The following MYH9 variants were observed in gnomAD, a reference collection of about 807,000 sequenced individuals.
The protein encoded by MYH9 is myosin-9.
A neutral mutation model predicts 241.9 loss-of-function variants in MYH9; 29 were observed. The observed-to-expected ratio is 0.12, with a 90% CI of 0.09 to 0.16. The LOEUF is 0.16. Among genes scored for constraint, MYH9 ranks in the 10% least tolerant of loss-of-function variants. The pLI is 1.00. For missense variants in MYH9, 1,803 were observed against 2,595.5 expected, an observed-to-expected ratio of 0.69 and a Z score of 6.63; for synonymous variants, 1,047 against 1,062.6, an observed-to-expected ratio of 0.99 and a Z score of 0.29.
chr22:36,367,083 T>C (rs759839140), intron 1 of MYH9, among the ~76,000 whole-genome samples: 10 of 152,270 alleles, frequency 6.6e-5, no homozygotes, highest in South Asian at 4.1e-4. Context: ...TCCATGGACT[T>C]TTAGGAGTCC....
chr22:36,281,582 G>C lies in MYH9; in HGVS notation c.*1086C>G, dbSNP rs951504991. The stretch of plus-strand genomic sequence containing the variant: ...AACAGTTAGGAATACAAGTAAATTC[G>C]GCAACCAGTGTAGACCAGTGAGGAC... On this transcript the variant is annotated 3_prime_UTR_variant, in exon 41 of 41. Coordinates refer to ENST00000216181, the MANE Select transcript of MYH9 (RefSeq NM_002473.6). 1 of 229,446 alleles carries C rather than the reference G, an allele frequency of 4.4e-6. No individual in the cohort carries two copies. Among genetic ancestry groups the C allele is most frequent in the South Asian group, 1.8e-4 (1 of 5,506 alleles). The allele number at this position is 229,446 out of a possible 1,614,324, so 14.2% of individuals were successfully genotyped here. A position where few individuals can be genotyped will look rare whatever the true frequency, so the allele number is the denominator to read the frequency against.
chr22:36,302,694 T>C lies in MYH9; in HGVS notation c.2391-18A>G, dbSNP rs1171417002. On this transcript the variant is annotated intron_variant, in intron 19 of 40. Coordinates refer to ENST00000216181, the MANE Select transcript of MYH9 (RefSeq NM_002473.6). ...CAAATGCTCTGTGTGGTGAGGAACA[T>C]GGTCAGCGCGGAGCAGTGGACAGCA... 2 of 1,608,852 alleles carry C rather than the reference T, an allele frequency of 1.2e-6. No homozygotes were observed. The highest frequency in any genetic ancestry group is 1.3e-5 in the African/African-American group (1 of 74,854).
intron 15 of MYH9, among the ~76,000 whole-genome samples, chr22:36,307,341 A>G (rs1476239741): frequency 6.6e-6 from 1 of 152,176 alleles, no homozygotes; most frequent in African/African-American, 2.4e-5. Flanking sequence ...AATTAAACCA[A>G]TTGCATCCTC....
At chr22:36,310,711 C>A (rs762048385) in intron 14 of MYH9, among the ~76,000 whole-genome samples, 1 of 152,222 alleles carries the variant, frequency 6.6e-6, no homozygotes, top group Non-Finnish European at 1.5e-5. Flanking sequence ...CACAGCACAG[C>A]CCACGGAAAG....
rs1030068098 is a variant in MYH9, at chr22:36,288,167, G to A, written c.4932+85C>T. On this transcript the variant is annotated intron_variant, in intron 34 of 40. Transcript: ENST00000216181. This position sits in a 1 kb window ranked among gnomAD's most constrained non-coding sequence, Gnocchi z 4.8. ...GGAGGTGCCACCCTGCCAGGTTCCC[G>A]CCCTGGGCCGAGCCCTGGCACCTTC... is the stretch of plus-strand genomic sequence containing the variant. 23 of 1,558,462 alleles carry A rather than the reference G, an allele frequency of 1.5e-5. No individual in the cohort carries two copies. Among genetic ancestry groups the A allele is most frequent in the African/African-American group, 2.7e-5 (2 of 74,012 alleles).
intron 27 of MYH9, 113 bp from the exon 28 acceptor site, chr22:36,294,411 G>A (rs973104290): frequency 1.4e-5 from 16 of 1,162,070 alleles, no homozygotes; most frequent in Admixed American, 7.7e-5. Context: ...CCCTGACGAC[G>A]GTGTGCCTGC....
intron 14 of MYH9, among the ~76,000 whole-genome samples, chr22:36,310,561 C>A (rs1013739190): frequency 6.6e-6 from 1 of 152,194 alleles, no homozygotes; most frequent in Non-Finnish European, 1.5e-5. Context: ...AGCGAATGCA[C>A]GCTGCTGCAT....
rs117534465 is a variant in MYH9, at chr22:36,344,185, T to C, written c.334-2659A>G. ...GGGAGGAAGGAGATTCACTGGATGC[T>C]CGTGGAGGCAAGACATCGAGCAAGC... is the stretch of plus-strand genomic sequence containing the variant. On this transcript the variant is annotated intron_variant, in intron 2 of 40. Transcript: ENST00000216181. Among the ~76,000 whole-genome samples the C allele has an allele frequency of 1.3e-3, 202 of 152,342 alleles. 3 individuals carry two copies. In the East Asian group the frequency reaches 0.035, roughly 26 times the overall value.
At chr22:36,364,761 T>C (rs1259586251) in intron 1 of MYH9, 2 of 152,262 alleles carry the variant, frequency 1.3e-5, no homozygotes, top group Non-Finnish European at 2.9e-5. Context: ...GACCTGCTCA[T>C]GGTGATTTTT....
chr22:36,294,160 G>C lies in MYH9; in HGVS notation c.3769C>G (p.Leu1257Val), dbSNP rs1156748427. ...RKKVEAQLQE[L>V]QVKFNEGERV... ...TCTCCCTCGTTGAACTTGACCTGCA[G>C]CTCCTGCAGCTGCGCCTCCACTTTC... The change falls in exon 28 of 41, where the codon CTG becomes GTG. Residue 1257 changes from leucine to valine, a missense_variant. By Grantham distance (32) the Leu-to-Val change is conservative. Transcript: ENST00000216181. 1 of 1,613,206 alleles carries C rather than the reference G, an allele frequency of 6.2e-7. No homozygotes were observed. The highest frequency in any genetic ancestry group is 8.5e-7 in the Non-Finnish European group (1 of 1,180,020).
intron 38 of MYH9, 99 bp from the exon 39 acceptor site, chr22:36,284,610 C>T (rs2016548101): frequency 3.4e-6 from 4 of 1,160,378 alleles, no homozygotes; most frequent in Non-Finnish European, 5.0e-6. Flanking sequence ...GGCTCACTGG[C>T]ATCTAGGGAT....
intron 25 of MYH9, 83 bp downstream of exon 25, chr22:36,296,760 T>C: frequency 7.0e-7 from 1 of 1,430,714 alleles, no homozygotes; most frequent in Non-Finnish European, 9.3e-7. Context: ...CACAGCTCAC[T>C]AGTGCCGAGA....
At chr22:36,383,620 C>G (rs1402786219) in intron 1 of MYH9, among the ~76,000 whole-genome samples, 2 of 151,212 alleles carry the variant, frequency 1.3e-5, no homozygotes, top group African/African-American at 4.9e-5. Context: ...CCCCCTCAAC[C>G]TGATAACCTA....
chr22:36,291,650 C>T (rs1048554601), intron 31 of MYH9, among the ~76,000 whole-genome samples: 9 of 131,872 alleles, frequency 6.8e-5, no homozygotes, highest in East Asian at 2.1e-4. Flanking sequence ...TCCCCCTCTG[C>T]GAGAAACACC....
chr22:36,344,097 C>A (rs2017634466), intron 2 of MYH9, among the ~76,000 whole-genome samples: 1 of 152,232 alleles, frequency 6.6e-6, no homozygotes. Context: ...GTTCTCTGGG[C>A]TAATCCCGTC....
intron 5 of MYH9, among the ~76,000 whole-genome samples, chr22:36,325,415 G>T (rs2017320342): frequency 6.6e-6 from 1 of 152,202 alleles, no homozygotes; most frequent in Admixed American, 6.5e-5. Context: ...CAGTAAGGTG[G>T]AGCCACCGGG....
intron 30 of MYH9, 105 bp from the exon 31 acceptor site, chr22:36,292,339 G>A: frequency 6.7e-7 from 1 of 1,489,172 alleles, no homozygotes; most frequent in Admixed American, 1.7e-5. Context: ...CGTGGAAGGG[G>A]CACCAGGGAT....
chr22:36,314,590 T>A (rs377423315), intron 12 of MYH9, among the ~76,000 whole-genome samples: 1 of 152,160 alleles, frequency 6.6e-6, no homozygotes, highest in African/African-American at 2.4e-5. Context: ...ACAAAGAAAG[T>A]AGTTATTTTG....
chr22:36,291,938 G>T, intron 31 of MYH9, 48 bp downstream of exon 31: 1 of 1,613,090 alleles, frequency 6.2e-7, no homozygotes, highest in Admixed American at 1.7e-5. Flanking sequence ...TTTGGACTCA[G>T]TGCTTGAAGG....
Sources: gnomAD v4.1 joint callset for allele counts (sites outside exome capture counted in the v4.1 genomes callset) on GRCh38, gnomAD v4.1.1 for gene constraint, Gnocchi (gnomAD v3.1) non-coding constraint, MANE v1.5 for transcripts, NCBI Gene and HGNC (gene_info 2026-07-23, HGNC 2026-07-21) for gene names.